The following PTK2B variants were observed in gnomAD, a reference collection of about 807,000 sequenced individuals.
PTK2B encodes the protein protein-tyrosine kinase 2-beta.
In PTK2B, 71 loss-of-function variants were observed where a neutral mutation model predicts 142.9. The ratio of observed to expected loss-of-function variants is 0.50; its 90% CI spans 0.41 to 0.61. PTK2B has a LOEUF of 0.61. PTK2B is among the 20% of genes least tolerant of loss of function. The pLI is 0.00. For synonymous variants in PTK2B, 519 were observed against 503.4 expected (o/e 1.03, Z -0.42); for missense variants, 1,105 against 1,320.4 (o/e 0.84, Z 2.53).
intron 1 of PTK2B, among the ~76,000 whole-genome samples, chr8:27,379,629 C>T (rs1806889769): frequency 6.6e-6 from 1 of 152,226 alleles, no homozygotes; most frequent in African/African-American, 2.4e-5. Flanking sequence ...TCTCTGGAAT[C>T]TTCATATTCC....
intron 1 of PTK2B, among the ~76,000 whole-genome samples, chr8:27,374,807 C>T (rs747203597): frequency 1.6e-4 from 25 of 152,312 alleles, no homozygotes; most frequent in Non-Finnish European, 2.8e-4. Flanking sequence ...AACCAGAAAA[C>T]GTGGTTATTA....
Position 27,422,478 on chromosome 8 carries a change from G to GT in PTK2B, c.551+96dup, listed in dbSNP as rs1411766350. On this transcript the variant is annotated intron_variant, in intron 5 of 30. Transcript: ENST00000346049. ...TGTCCAAGATGGGAAGCAGGAATGA[G>GT]TGTGTGGGAGCCAGGAAGGGGAGAG... 3.5e-6 allele frequency: 4 copies of GT among 1,158,398 alleles called. No individual in the cohort carries two copies. In the East Asian group the frequency reaches 1.1e-4, roughly 33 times the overall value. The allele number at this position is 1,158,398 out of a possible 1,614,324, so 71.8% of individuals were successfully genotyped here.
At chr8:27,444,717 A>G (rs1811356068) in intron 23 of PTK2B, among the ~76,000 whole-genome samples, 1 of 151,816 alleles carries the variant, frequency 6.6e-6, no homozygotes, top group South Asian at 2.1e-4. Context: ...ATTATCCCCA[A>G]CCATGACTCT....
intron 1 of PTK2B, among the ~76,000 whole-genome samples, chr8:27,339,707 G>T (rs371401306): frequency 2.0e-5 from 3 of 152,210 alleles, no homozygotes; most frequent in African/African-American, 7.2e-5. Context: ...ACTCTGGATT[G>T]TGTATGGTTG....
Position 27,445,004 on chromosome 8 carries a change from C to A in PTK2B, c.2214+733C>A, listed in dbSNP as rs78443396. Among the ~76,000 whole-genome samples, 1,112 of 152,044 alleles carry A rather than the reference C, an allele frequency of 7.3e-3. 10 individuals carry two copies. The highest frequency in any genetic ancestry group is 0.01 in the Non-Finnish European group (697 of 68,012). On this transcript the variant is annotated intron_variant, in intron 23 of 30. Coordinates refer to ENST00000346049, the MANE Select transcript of PTK2B (RefSeq NM_173176.3). Reference sequence around the variant, plus strand: ...AGGACTAATAGATAAATCCTCTTCACGTGAAGAGAAAGCCTGATTCAGAAG... The same window carrying A: ...AGGACTAATAGATAAATCCTCTTCAAGTGAAGAGAAAGCCTGATTCAGAAG...
intron 1 of PTK2B, among the ~76,000 whole-genome samples, chr8:27,352,673 C>G (rs181519843): frequency 4.6e-4 from 70 of 152,254 alleles, no homozygotes; most frequent in African/African-American, 1.6e-3. Flanking sequence ...GTAGGTCTTT[C>G]CAACACTGTT....
Position 27,433,793 on chromosome 8 carries a change from G to T in PTK2B, c.1105+241G>T, listed in dbSNP as rs557167201. Among the ~76,000 whole-genome samples, 3 of 152,336 alleles carry T rather than the reference G, an allele frequency of 2.0e-5. No homozygotes were observed. In the South Asian group the frequency reaches 6.2e-4, roughly 32 times the overall value. On this transcript the variant is annotated intron_variant, in intron 11 of 30. Transcript: ENST00000346049. The stretch of plus-strand genomic sequence containing the variant: ...CAGCTTCTGGAGGAGAGGCGTTTTA[G>T]CCCCAGCAAGCTCAAAGCCATTGCT...
At chr8:27,365,779 C>A (rs1805986097) in intron 1 of PTK2B, among the ~76,000 whole-genome samples, 1 of 152,106 alleles carries the variant, frequency 6.6e-6, no homozygotes, top group Non-Finnish European at 1.5e-5. Flanking sequence ...AAATGCACAA[C>A]CTTAAAGCTA....
rs78185533 is a variant in PTK2B at position 27,413,570 on chromosome 8, T to C, written c.205-6325T>C. 7.7e-3 allele frequency among the ~76,000 whole-genome samples: 1,166 copies of C among 152,334 alleles called. 44 individuals are homozygous for C. Among genetic ancestry groups the C allele is most frequent in the Admixed American group, 0.054 (833 of 15,298 alleles). ...ATGACTAGATCAGGCCACAGACTCATGGCAGGAAGATCTCAGCAACCTTGC... is the reference window on the plus strand; with the variant it reads ...ATGACTAGATCAGGCCACAGACTCACGGCAGGAAGATCTCAGCAACCTTGC... On this transcript the variant is annotated intron_variant, in intron 2 of 30. Coordinates refer to ENST00000346049, the MANE Select transcript of PTK2B (RefSeq NM_173176.3).
At chr8:27,422,133 A>G in intron 4 of PTK2B, 171 bp from the exon 5 acceptor site, 1 of 536,252 alleles carries the variant, frequency 1.9e-6, no homozygotes, top group Non-Finnish European at 3.2e-6. Context: ...CTGTGGAGGC[A>G]CAAGCACCCT....
chr8:27,419,187 C>T (rs182809057), intron 2 of PTK2B, among the ~76,000 whole-genome samples: 3 of 152,340 alleles, frequency 2.0e-5, no homozygotes, highest in East Asian at 3.9e-4. Context: ...TATTAACCTC[C>T]GGTTAACAAG....
chr8:27,420,098 G>A (rs372395625), intron 3 of PTK2B, 25 bp downstream of exon 3: 15 of 1,611,972 alleles, frequency 9.3e-6, no homozygotes, highest in Non-Finnish European at 1.3e-5. Context: ...CTGGGCTCTG[G>A]AAGTGGGAAG....
At chr8:27,327,993 C>T (rs1803521184) in intron 1 of PTK2B, among the ~76,000 whole-genome samples, 1 of 152,212 alleles carries the variant, frequency 6.6e-6, no homozygotes, top group Non-Finnish European at 1.5e-5. Flanking sequence ...CAAGTGAGCA[C>T]TTGGAGGTCT....
At position 27,432,189 on chromosome 8, in the gene PTK2B, C is replaced by A. The variant is rs910403311; in HGVS notation, c.886-71C>A. On this transcript the variant is annotated intron_variant, in intron 9 of 30. Transcript: ENST00000346049. ...CAGTTCCTCCTCACCCCGGCTCCCC[C>A]ATACTGACCAATCTGCATGGCCTAG... is the stretch of plus-strand genomic sequence containing the variant. The A allele has an allele frequency of 2.5e-5, 36 of 1,413,930 alleles. No homozygotes were observed. In the South Asian group the frequency reaches 2.7e-4, roughly 10 times the overall value. 87.6% of individuals were successfully genotyped at this position (1,413,930 alleles called of 1,614,324 possible). A position where few individuals can be genotyped will look rare whatever the true frequency, so the allele number is the denominator to read the frequency against.
upstream of PTK2B, chr8:27,311,369 T>C (rs1802961558): frequency 5.3e-6 from 6 of 1,139,278 alleles, no homozygotes; most frequent in Non-Finnish European, 7.1e-6. Flanking sequence ...ACAGCGGCGC[T>C]GGCCAATCGT....
intron 3 of PTK2B, among the ~76,000 whole-genome samples, chr8:27,317,365 G>A (rs1197460675): frequency 1.3e-5 from 2 of 152,106 alleles, no homozygotes; most frequent in Non-Finnish European, 2.9e-5. Flanking sequence ...TATTATAAAA[G>A]GGAGAAAATT....
At chr8:27,339,562 C>A (rs1022012110) in intron 1 of PTK2B, among the ~76,000 whole-genome samples, 2 of 152,186 alleles carry the variant, frequency 1.3e-5, no homozygotes, top group Non-Finnish European at 2.9e-5. Context: ...AAGCTGTGGC[C>A]TGACATGGGC....
chr8:27,365,704 C>T (rs534817213), intron 1 of PTK2B, among the ~76,000 whole-genome samples: 2 of 152,286 alleles, frequency 1.3e-5, no homozygotes, highest in East Asian at 3.9e-4. Flanking sequence ...ATTAAAAATA[C>T]CCCAAAGATA....
chr8:27,360,137 C>A (rs1324454974), intron 1 of PTK2B, among the ~76,000 whole-genome samples: 1 of 152,210 alleles, frequency 6.6e-6, no homozygotes, highest in Non-Finnish European at 1.5e-5. Flanking sequence ...CTGTCTATTA[C>A]AGGACTGAAA....
Sources: allele counts gnomAD v4.1 joint callset (sites outside exome capture counted in the v4.1 genomes callset), GRCh38; gene constraint gnomAD v4.1.1; transcripts MANE v1.5; gene names NCBI Gene and HGNC (gene_info 2026-07-23, HGNC 2026-07-21).